Variants in IL1RAPL2 observed in about 807,000 individuals in gnomAD.
IL1RAPL2 encodes X-linked interleukin-1 receptor accessory protein-like 2.
Under a neutral mutation model 44.1 loss-of-function variants are expected in IL1RAPL2, and 3 were observed. That is an observed-to-expected ratio of 0.07 (90% CI 0.03 to 0.18). IL1RAPL2 has a LOEUF of 0.18. Among genes scored for constraint, IL1RAPL2 ranks in the 10% least tolerant of loss-of-function variants. The pLI is 1.00. For synonymous variants in IL1RAPL2, 181 were observed against 178.8 expected (o/e 1.01, Z -0.10); for missense variants, 391 against 496.4 (o/e 0.79, Z 2.02).
intron 2 of IL1RAPL2, among the ~76,000 whole-genome samples, chrX:104,935,832 G>T (rs774127301): frequency 1.8e-5 from 2 of 111,562 alleles, no homozygotes; most frequent in Non-Finnish European, 3.8e-5. Context: ...TAATGTGCAT[G>T]TAACTATTGT....
At chrX:105,298,050 T>TAC (rs758824077) in intron 5 of IL1RAPL2, among the ~76,000 whole-genome samples, 2 of 110,663 alleles carry the variant, frequency 1.8e-5, no homozygotes, top group Non-Finnish European at 3.8e-5. Flanking sequence ...TGTGTGTATC[T>TAC]ACACACACAC....
chrX:105,689,959 G>T (rs755951543), intron 6 of IL1RAPL2, among the ~76,000 whole-genome samples: 1 of 111,249 alleles, frequency 9.0e-6, no homozygotes, highest in Non-Finnish European at 1.9e-5. Flanking sequence ...TCAGCAAACT[G>T]TTACAAGGAC....
At chrX:104,983,804 A>T (rs2030511267) in intron 2 of IL1RAPL2, among the ~76,000 whole-genome samples, 2 of 107,421 alleles carry the variant, frequency 1.9e-5, no homozygotes, top group South Asian at 7.6e-4. Flanking sequence ...TATTGATAAT[A>T]CTCTGGCTAT....
At chrX:105,702,988 G>T (rs1178726378) in intron 6 of IL1RAPL2, among the ~76,000 whole-genome samples, 1 of 111,617 alleles carries the variant, frequency 9.0e-6, no homozygotes, top group East Asian at 2.8e-4. Context: ...GGAAAGTATA[G>T]CACATCTATA....
chrX:105,187,236 T>A (rs1241131745), intron 2 of IL1RAPL2, among the ~76,000 whole-genome samples: 1 of 112,480 alleles, frequency 8.9e-6, no homozygotes, highest in Non-Finnish European at 1.9e-5. Context: ...GCATTATAAC[T>A]GTTTGATTAT....
intron 6 of IL1RAPL2, among the ~76,000 whole-genome samples, chrX:105,544,105 G>T (rs2036768452): frequency 9.0e-6 from 1 of 111,628 alleles, no homozygotes; most frequent in African/African-American, 3.2e-5. Context: ...ACAACATTTT[G>T]TAGTTTTCTA....
intron 1 of IL1RAPL2, among the ~76,000 whole-genome samples, chrX:104,654,436 C>T (rs1330158463): frequency 9.1e-6 from 1 of 110,092 alleles, no homozygotes; most frequent in Non-Finnish European, 1.9e-5. Flanking sequence ...AAAGTGCAAA[C>T]ACCGTGGGGA....
chrX:105,728,448 T>G (rs2038371130), intron 7 of IL1RAPL2, among the ~76,000 whole-genome samples: 1 of 111,973 alleles, frequency 8.9e-6, no homozygotes, highest in South Asian at 3.6e-4. Flanking sequence ...GGTACAAAAA[T>G]TAAAGCTACA....
At chrX:105,051,616 G>A (rs1299063535) in intron 2 of IL1RAPL2, among the ~76,000 whole-genome samples, 1 of 113,042 alleles carries the variant, frequency 8.8e-6, no homozygotes, top group Non-Finnish European at 1.9e-5. Context: ...GCCTGGGTCT[G>A]CAGCCACGGT....
intron 2 of IL1RAPL2, among the ~76,000 whole-genome samples, chrX:104,961,455 T>A (rs1035377436): frequency 5.4e-5 from 6 of 111,748 alleles, no homozygotes; most frequent in Non-Finnish European, 1.1e-4. Flanking sequence ...CTGCCAGCCA[T>A]GTCCTGATAC....
chrX:105,144,942 G>A (rs1324551789), intron 2 of IL1RAPL2, among the ~76,000 whole-genome samples: 1 of 110,783 alleles, frequency 9.0e-6, no homozygotes, highest in East Asian at 2.8e-4. Context: ...TATATTCCCC[G>A]CCATTTATAA....
chrX:105,285,368 T>C (rs1452361862), intron 5 of IL1RAPL2, among the ~76,000 whole-genome samples: 2 of 112,135 alleles, frequency 1.8e-5, no homozygotes, highest in African/African-American at 6.5e-5. Context: ...AGCATAAGTT[T>C]ATCCTGTCCT....
At chrX:104,865,260 A>G (rs1281961607) in intron 2 of IL1RAPL2, among the ~76,000 whole-genome samples, 1 of 112,158 alleles carries the variant, frequency 8.9e-6, no homozygotes, top group Non-Finnish European at 1.9e-5. Context: ...ATCATATGAC[A>G]TAAGATTTAT....
At chrX:104,677,226 T>C (rs1479083429) in intron 2 of IL1RAPL2, among the ~76,000 whole-genome samples, 2 of 111,434 alleles carry the variant, frequency 1.8e-5, no homozygotes, top group Non-Finnish European at 3.8e-5. Flanking sequence ...ATCTTTGTGG[T>C]TTTATATACT....
chrX:104,891,690 T>G (rs749125903), intron 2 of IL1RAPL2, among the ~76,000 whole-genome samples: 14 of 112,200 alleles, frequency 1.2e-4, no homozygotes, highest in Middle Eastern at 4.6e-3. Context: ...TATGGAGATT[T>G]TGGGCTGAAA....
intron 6 of IL1RAPL2, among the ~76,000 whole-genome samples, chrX:105,710,986 A>G (rs2038205574): frequency 9.3e-6 from 1 of 106,955 alleles, no homozygotes; most frequent in Admixed American, 1.0e-4. Context: ...GTATGTGTAT[A>G]TATACATACA....
intron 2 of IL1RAPL2, among the ~76,000 whole-genome samples, chrX:104,754,764 A>G (rs1478280446): frequency 1.8e-5 from 2 of 112,392 alleles, no homozygotes; most frequent in East Asian, 2.8e-4. Flanking sequence ...CTCGTGTGCA[A>G]TGGCATTTTA....
intron 2 of IL1RAPL2, among the ~76,000 whole-genome samples, chrX:104,787,277 G>T (rs1932804207): frequency 9.0e-6 from 1 of 111,624 alleles, no homozygotes; most frequent in Non-Finnish European, 1.9e-5. Context: ...GCTGGAGAAT[G>T]ACAGAAGGTG....
chrX:105,377,921 G>A (rs940311293), intron 5 of IL1RAPL2, among the ~76,000 whole-genome samples: 6 of 111,371 alleles, frequency 5.4e-5, no homozygotes, highest in Admixed American at 2.9e-4. Context: ...CTATGAAAAC[G>A]CTTTCCTCCC....
Sources: gnomAD v4.1 joint callset for allele counts (sites outside exome capture counted in the v4.1 genomes callset) on GRCh38, gnomAD v4.1.1 for gene constraint, MANE v1.5 for transcripts, NCBI Gene and HGNC (gene_info 2026-07-23, HGNC 2026-07-21) for gene names.